The following HNF4G variants were observed in gnomAD, a reference collection of about 807,000 sequenced individuals.
The protein encoded by HNF4G is hepatocyte nuclear factor 4-gamma.
In HNF4G, 21 loss-of-function variants were observed where a neutral mutation model predicts 50.9. The observed-to-expected ratio is 0.41, with a 90% CI of 0.29 to 0.59. The LOEUF (loss-of-function observed/expected upper bound fraction) is 0.59, where lower values mean the gene tolerates loss of function less well. Ranked by LOEUF, HNF4G falls within the 20% of genes least tolerant of loss-of-function variation. The pLI is 0.26. For synonymous variants in HNF4G, 198 were observed against 185.6 expected (o/e 1.07, Z -0.54); for missense variants, 527 against 559.4 (o/e 0.94, Z 0.58).
chr8:75,554,987 A>AC (rs1807070925), intron 5 of HNF4G, among the ~76,000 whole-genome samples: 2 of 152,266 alleles, frequency 1.3e-5, no homozygotes, highest in Admixed American at 1.3e-4. Context: ...AACAATGTGA[A>AC]CAAGGGGTGT....
intron 9 of HNF4G, among the ~76,000 whole-genome samples, chr8:75,561,864 TAATC>T (rs1807320927): frequency 6.6e-6 from 1 of 152,180 alleles, no homozygotes; most frequent in African/African-American, 2.4e-5. Context: ...GTAGCTAAGT[TAATC>T]TATTATTGTA....
intron 1 of HNF4G, among the ~76,000 whole-genome samples, chr8:75,455,625 T>C (rs1235275419): frequency 6.6e-6 from 1 of 152,182 alleles, no homozygotes; most frequent in Non-Finnish European, 1.5e-5. Flanking sequence ...CTAATATTTA[T>C]TCTGATAAAT....
chr8:75,561,819 T>G (rs1807319185), intron 9 of HNF4G, among the ~76,000 whole-genome samples: 1 of 152,188 alleles, frequency 6.6e-6, no homozygotes, highest in African/African-American at 2.4e-5. Context: ...CTCCTTGGAA[T>G]GCAAATGACC....
intron 1 of HNF4G, chr8:75,485,795 C>A (rs1027019909): frequency 2.0e-5 from 3 of 152,122 alleles, no homozygotes; most frequent in African/African-American, 7.2e-5. Context: ...TGATTGCTGC[C>A]TTGACCGTCC....
chr8:75,464,298 T>C (rs185132497), intron 1 of HNF4G, among the ~76,000 whole-genome samples: 183 of 152,260 alleles, frequency 1.2e-3, no homozygotes, highest in African/African-American at 4.1e-3. Flanking sequence ...TAGATTTATA[T>C]TTACTTAATA....
In HNF4G at chr8:75,525,977, T is replaced by G. The variant is rs117193762; in HGVS notation, c.-23-17834T>G. ...AAGCATATAATTTTAAATAAAAATA[T>G]TTACTGCATTTGGTAAGTTGGAGGG... On this transcript the variant is annotated intron_variant, in intron 2 of 10. Coordinates refer to the HNF4G transcript ENST00000354370. 2.4e-4 allele frequency among the ~76,000 whole-genome samples: 36 copies of G among 152,222 alleles called. No individual in the cohort carries two copies. The East Asian group carries it at 7.0e-3, about 29-fold the overall frequency.
At chr8:75,561,726 G>A (rs1039397561) in intron 9 of HNF4G, among the ~76,000 whole-genome samples, 8 of 152,120 alleles carry the variant, frequency 5.3e-5, no homozygotes, top group African/African-American at 1.9e-4. Context: ...CCATGTTGTT[G>A]CCAGACTGGT....
At chr8:75,434,705 C>CACAT (rs1429713089) in intron 1 of HNF4G, among the ~76,000 whole-genome samples, 3 of 151,692 alleles carry the variant, frequency 2.0e-5, no homozygotes, top group African/African-American at 7.3e-5. Flanking sequence ...CACACACACA[C>CACAT]ATACACAAAT....
chr8:75,514,354 C>CTTTTTTTTTTCTTT (rs1805837081), intron 2 of HNF4G, among the ~76,000 whole-genome samples: 3 of 125,026 alleles, frequency 2.4e-5, no homozygotes, highest in African/African-American at 3.1e-5. Flanking sequence ...TTTCTTCTTT[C>CTTTTTTTTTTCTTT]TTTTTTTTTT....
At chr8:75,448,443 A>T (rs1194296531) in intron 1 of HNF4G, among the ~76,000 whole-genome samples, 10 of 76,726 alleles carry the variant, frequency 1.3e-4, no homozygotes, top group South Asian at 1.1e-3. Context: ...AAAAAAAAAA[A>T]AGTGTCAGAC....
intron 6 of HNF4G, among the ~76,000 whole-genome samples, chr8:75,556,804 T>C (rs1807142119): frequency 6.6e-6 from 1 of 152,194 alleles, no homozygotes; most frequent in Non-Finnish European, 1.5e-5. Flanking sequence ...TATAAATAAA[T>C]TGAAGACAAT....
At chr8:75,476,913 G>T (rs1812254459) in intron 1 of HNF4G, among the ~76,000 whole-genome samples, 1 of 152,130 alleles carries the variant, frequency 6.6e-6, no homozygotes, top group African/African-American at 2.4e-5. Context: ...TCCCCTCCCA[G>T]TGTTAACATT....
Position 75,543,959 on chromosome 8 carries a change from G to A in HNF4G, c.267G>A (p.Lys89=), listed in dbSNP as rs1806698222. The change falls in exon 2 of 10, where the codon AAG becomes AAA. Residue 89 remains lysine, a synonymous_variant. Transcript: ENST00000396423. ...GTTTCTTCAGACGCAGCATTCGTAA[G>A]AGTCACGTTTATTCTTGCAGGTACT... The part of the protein sequence containing the change: ...CKGFFRRSIR[K]SHVYSCRFSR... 1 of 1,594,676 alleles carries A rather than the reference G, an allele frequency of 6.3e-7. No homozygotes were observed. Among genetic ancestry groups the A allele is most frequent in the African/African-American group, 1.3e-5 (1 of 74,336 alleles).
chr8:75,563,836 T>G (rs376904381), intron 9 of HNF4G, 139 bp from the exon 10 acceptor site: 1 of 876,180 alleles, frequency 1.1e-6, no homozygotes, highest in Non-Finnish European at 1.7e-6. Context: ...AATAATGCAT[T>G]CTACAAATCA....
At chr8:75,463,870 G>A (rs966394809) in intron 1 of HNF4G, among the ~76,000 whole-genome samples, 1 of 151,466 alleles carries the variant, frequency 6.6e-6, no homozygotes, top group African/African-American at 2.4e-5. Flanking sequence ...CACCTCCTGG[G>A]TTCAAGTGAT....
chr8:75,497,058 C>T (rs1053926283), intron 2 of HNF4G, among the ~76,000 whole-genome samples: 10 of 140,880 alleles, frequency 7.1e-5, no homozygotes, highest in African/African-American at 3.0e-4. Context: ...TGGCTTGTTT[C>T]TCACTAGCTT....
At chr8:75,416,914 C>T (rs1422882650) in intron 1 of HNF4G, among the ~76,000 whole-genome samples, 1 of 152,178 alleles carries the variant, frequency 6.6e-6, no homozygotes, top group Non-Finnish European at 1.5e-5. Flanking sequence ...GCTCTCCCTA[C>T]CCAGTTTACT....
chr8:75,534,189 C>A (rs1332891221), intron 2 of HNF4G, among the ~76,000 whole-genome samples: 1 of 151,888 alleles, frequency 6.6e-6, no homozygotes, highest in African/African-American at 2.4e-5. Flanking sequence ...GCAGTAGCAA[C>A]AATGATAATA....
At chr8:75,438,025 G>A (rs1165234224) in intron 1 of HNF4G, among the ~76,000 whole-genome samples, 2 of 152,070 alleles carry the variant, frequency 1.3e-5, no homozygotes, top group African/African-American at 2.4e-5. Flanking sequence ...GTAATTAATA[G>A]AGTTTTTAAT....
Sources: gnomAD v4.1 joint callset for allele counts (sites outside exome capture counted in the v4.1 genomes callset) on GRCh38, gnomAD v4.1.1 for gene constraint, MANE v1.5 for transcripts, NCBI Gene and HGNC (gene_info 2026-07-23, HGNC 2026-07-21) for gene names.